The following SCAPER variants were observed in gnomAD, a reference collection of about 807,000 sequenced individuals.
The protein encoded by SCAPER is S phase cyclin A-associated protein in the endoplasmic reticulum.
In SCAPER, 98 loss-of-function variants were observed where a neutral mutation model predicts 182.2. The ratio of observed to expected loss-of-function variants is 0.54; its 90% CI spans 0.46 to 0.64. The LOEUF (loss-of-function observed/expected upper bound fraction) is 0.64. Among genes scored for constraint, SCAPER ranks in the 30% least tolerant of loss-of-function variants. The pLI is 0.00. For synonymous variants in SCAPER, 605 were observed against 564.6 expected (o/e 1.07, Z -1.01); for missense variants, 1,432 against 1,690.0 (o/e 0.85, Z 2.68).
intron 5 of SCAPER, among the ~76,000 whole-genome samples, chr15:76,828,041 T>A (rs2068152887): frequency 6.6e-6 from 1 of 151,988 alleles, no homozygotes; most frequent in Non-Finnish European, 1.5e-5. Flanking sequence ...CTGGTGCATT[T>A]ATTAAGAGGA....
intron 2 of SCAPER, among the ~76,000 whole-genome samples, chr15:76,872,501 T>C (rs2072798823): frequency 6.6e-6 from 1 of 151,890 alleles, no homozygotes; most frequent in Non-Finnish European, 1.5e-5. Context: ...ACTCAGCTGA[T>C]TTTCCAACAA....
At chr15:76,492,007 T>C (rs2052365343) in intron 24 of SCAPER, among the ~76,000 whole-genome samples, 1 of 152,240 alleles carries the variant, frequency 6.6e-6, no homozygotes, top group Non-Finnish European at 1.5e-5. Flanking sequence ...TTCTTAATGA[T>C]GTTGAGAATC....
intron 21 of SCAPER, among the ~76,000 whole-genome samples, chr15:76,628,584 G>A (rs1336517950): frequency 1.3e-5 from 2 of 152,092 alleles, no homozygotes; most frequent in Admixed American, 1.3e-4. Flanking sequence ...ATAGTTGTAG[G>A]TGTGTGGCCT....
intron 23 of SCAPER, among the ~76,000 whole-genome samples, chr15:76,551,504 A>G (rs1483649783): frequency 6.6e-6 from 1 of 152,208 alleles, no homozygotes; most frequent in Admixed American, 6.5e-5. Flanking sequence ...GAATCTAAAA[A>G]AACAGATTTC....
intron 5 of SCAPER, among the ~76,000 whole-genome samples, chr15:76,816,644 C>T (rs2067103971): frequency 6.8e-6 from 1 of 146,392 alleles, no homozygotes; most frequent in Non-Finnish European, 1.5e-5. Context: ...ATACATAAGC[C>T]AGTAACATAA....
At chr15:76,537,221 A>G (rs1456531633) in intron 23 of SCAPER, among the ~76,000 whole-genome samples, 1 of 150,790 alleles carries the variant, frequency 6.6e-6, no homozygotes, top group Non-Finnish European at 1.5e-5. Flanking sequence ...AAACTACTTT[A>G]AAGTTCATAT....
intron 27 of SCAPER, among the ~76,000 whole-genome samples, chr15:76,382,062 C>G (rs545121430): frequency 1.8e-4 from 28 of 152,174 alleles, no homozygotes; most frequent in Admixed American, 1.2e-3. Flanking sequence ...CTCAAAAACC[C>G]AGTAATGTGT....
intron 27 of SCAPER, among the ~76,000 whole-genome samples, chr15:76,398,340 ACT>A (rs1050973096): frequency 1.6e-4 from 24 of 152,008 alleles, no homozygotes; most frequent in African/African-American, 5.6e-4. Flanking sequence ...CCTCTTGATC[ACT>A]CTCTGTCTTG....
intron 22 of SCAPER, among the ~76,000 whole-genome samples, chr15:76,598,371 A>G (rs2049661947): frequency 8.2e-6 from 1 of 121,864 alleles, no homozygotes; most frequent in African/African-American, 2.5e-5. Flanking sequence ...AATTAGTTCA[A>G]CCATTGTGGA....
chr15:76,504,488 CT>C (rs1409970630), intron 24 of SCAPER, among the ~76,000 whole-genome samples: 2 of 152,204 alleles, frequency 1.3e-5, no homozygotes, highest in African/African-American at 4.8e-5. Flanking sequence ...ACAGCTCAGA[CT>C]TTTGCTAATG....
chr15:76,366,658 G>C (rs896039043), intron 29 of SCAPER, among the ~76,000 whole-genome samples: 1 of 152,158 alleles, frequency 6.6e-6, no homozygotes, highest in Admixed American at 6.5e-5. Flanking sequence ...GCACCTCTGA[G>C]TTGTCTCTGT....
chr15:76,417,467 G>C (rs1381897382), intron 26 of SCAPER, among the ~76,000 whole-genome samples: 1 of 152,240 alleles, frequency 6.6e-6, no homozygotes, highest in Non-Finnish European at 1.5e-5. Flanking sequence ...AGGATTAACT[G>C]AATATTGGTT....
In SCAPER at chr15:76,512,482, TAAGCC is replaced by T. The variant is rs111795920; in HGVS notation, c.2839-7513_2839-7509del. On this transcript the variant is annotated intron_variant, in intron 23 of 31. Coordinates refer to ENST00000563290, the MANE Select transcript of SCAPER (RefSeq NM_020843.4). ...CTCAAAAACAGGGCATAGAGTACTT[TAAGCC>T]AAGCAGAAACACCGGCTGATCAGTC... is the stretch of plus-strand genomic sequence containing the variant. Among the ~76,000 whole-genome samples the T allele has an allele frequency of 7.9e-3, 1,202 of 151,890 alleles. 12 individuals are homozygous for T. Among genetic ancestry groups the T allele is most frequent in the African/African-American group, 0.028 (1,141 of 41,390 alleles).
chr15:76,876,366 T>G (rs1002608260), intron 2 of SCAPER, among the ~76,000 whole-genome samples: 1 of 150,372 alleles, frequency 6.7e-6, no homozygotes, highest in Non-Finnish European at 1.5e-5. Flanking sequence ...GCCAGCACGC[T>G]GTCACCTCTC....
intron 3 of SCAPER, among the ~76,000 whole-genome samples, chr15:76,859,192 A>G (rs2071665806): frequency 6.6e-6 from 1 of 152,200 alleles, no homozygotes; most frequent in Admixed American, 6.5e-5. Context: ...TCTGCAAAGT[A>G]ATTTTGGGGC....
intron 15 of SCAPER, among the ~76,000 whole-genome samples, chr15:76,739,088 A>T (rs775520474): frequency 2.4e-4 from 37 of 152,188 alleles, no homozygotes; most frequent in Non-Finnish European, 5.3e-4. Context: ...AGGTATAAGT[A>T]ATCTAGAGGT....
In SCAPER at chr15:76,376,150, A is replaced by C; in HGVS notation, c.3855+12T>G. The C allele has an allele frequency of 1.2e-6, 2 of 1,613,562 alleles. No homozygotes were observed. Among genetic ancestry groups the C allele is most frequent in the Non-Finnish European group, 1.7e-6 (2 of 1,179,650 alleles). On this transcript the variant is annotated intron_variant, in intron 29 of 31. Transcript: ENST00000563290. ...GGGGGAGCAGTCTAAGGAACTTTCC[A>C]GGGCCTCTTACCTGGTTATCTGGGT...
chr15:76,838,092 T>C (rs896783463), intron 5 of SCAPER, among the ~76,000 whole-genome samples: 2 of 152,140 alleles, frequency 1.3e-5, no homozygotes, highest in African/African-American at 2.4e-5. Flanking sequence ...CAAAAAGATA[T>C]ATGCACACAT....
At chr15:76,628,235 G>A (rs542431332) in intron 21 of SCAPER, among the ~76,000 whole-genome samples, 1 of 152,240 alleles carries the variant, frequency 6.6e-6, no homozygotes, top group African/African-American at 2.4e-5. Flanking sequence ...TAGGTTGCCT[G>A]TTTGCTCTGA....
Sources: gnomAD v4.1 joint callset for allele counts (sites outside exome capture counted in the v4.1 genomes callset) on GRCh38, gnomAD v4.1.1 for gene constraint, MANE v1.5 for transcripts, NCBI Gene and HGNC (gene_info 2026-07-23, HGNC 2026-07-21) for gene names.